CDS2: variants seen among roughly 807,000 people sequenced by gnomAD.
The protein encoded by CDS2 is phosphatidate cytidylyltransferase 2.
CDS2 carries 47 observed loss-of-function variants against 59.0 expected under a neutral mutation model. The observed-to-expected ratio is 0.80, with a 90% CI of 0.63 to 1.02. CDS2 has a LOEUF of 1.02. Among genes scored for constraint, CDS2 ranks in the 50% least tolerant of loss-of-function variants. The probability of loss-of-function intolerance (pLI) is 0.00; values close to 1 mark genes in which losing one functional copy is unlikely to be tolerated. For missense variants in CDS2, 356 were observed against 558.9 expected, an observed-to-expected ratio of 0.64 and a Z score of 3.66; for synonymous variants, 207 against 206.4, an observed-to-expected ratio of 1.00 and a Z score of -0.02.
chr20:5,145,174 C>T (rs1438246626), intron 1 of CDS2, among the ~76,000 whole-genome samples: 2 of 150,182 alleles, frequency 1.3e-5, no homozygotes, highest in Non-Finnish European at 3.0e-5. Flanking sequence ...GATCTCTGGG[C>T]GCGTAGATGG....
At chr20:5,151,839 GCCACAACCTCTGCCTCC>G (rs2090793548) in intron 1 of CDS2, among the ~76,000 whole-genome samples, 1 of 133,360 alleles carries the variant, frequency 7.5e-6, no homozygotes, top group Non-Finnish European at 1.5e-5. Flanking sequence ...ATCTTGGCTC[GCCACAACCTCTGCCTCC>G]CAGGTTCAAG....
chr20:5,159,135 A>T (rs1156923499), intron 1 of CDS2, among the ~76,000 whole-genome samples: 1 of 152,142 alleles, frequency 6.6e-6, no homozygotes, highest in African/African-American at 2.4e-5. Flanking sequence ...TTCATTTCAA[A>T]TTAATATCAG....
At chr20:5,142,650 G>T (rs1016338572) in intron 1 of CDS2, among the ~76,000 whole-genome samples, 6 of 152,160 alleles carry the variant, frequency 3.9e-5, no homozygotes, top group Non-Finnish European at 8.8e-5. Context: ...AACCATAAAA[G>T]AAACTGTTGG....
rs116159283 is a variant in CDS2, at chr20:5,144,306, G to A, written c.57+17157G>A. 2.9e-3 allele frequency among the ~76,000 whole-genome samples: 449 copies of A among 152,318 alleles called. 4 individuals are homozygous for A. Among genetic ancestry groups the A allele is most frequent in the African/African-American group, 0.01 (433 of 41,560 alleles). On this transcript the variant is annotated intron_variant, in intron 1 of 12. Coordinates refer to ENST00000460006, the MANE Select transcript of CDS2 (RefSeq NM_003818.4). ...GGGTTGAAGCAGCCATTGTCAGTGA[G>A]TGTAGAAAGTGATAACGTGGGTGAG...
intron 9 of CDS2, 119 bp from the exon 10 acceptor site, chr20:5,186,568 T>C (rs535253690): frequency 1.2e-6 from 1 of 848,782 alleles, no homozygotes; most frequent in African/African-American, 1.7e-5. Flanking sequence ...TCTGAGCACA[T>C]AGCTCGCAGT....
At chr20:5,133,044 GCCCGTAGT>G (rs1177281430) in intron 1 of CDS2, among the ~76,000 whole-genome samples, 1 of 151,092 alleles carries the variant, frequency 6.6e-6, no homozygotes, top group African/African-American at 2.4e-5. Flanking sequence ...GTGTGGTGGC[GCCCGTAGT>G]CCCAGCTACT....
At chr20:5,135,666 T>TG (rs1488785178) in intron 1 of CDS2, among the ~76,000 whole-genome samples, 1 of 152,140 alleles carries the variant, frequency 6.6e-6, no homozygotes, top group Admixed American at 6.5e-5. Flanking sequence ...CAGCTTCCTA[T>TG]GCCAGTCACT....
chr20:5,160,582 A>G (rs1188071725), intron 1 of CDS2, among the ~76,000 whole-genome samples: 1 of 152,240 alleles, frequency 6.6e-6, no homozygotes, highest in Non-Finnish European at 1.5e-5. Flanking sequence ...GATAATTTTA[A>G]CCATTTTCAA....
chr20:5,162,245 G>A (rs1191795135), intron 1 of CDS2, among the ~76,000 whole-genome samples: 1 of 152,208 alleles, frequency 6.6e-6, no homozygotes, highest in Non-Finnish European at 1.5e-5. Context: ...GAGTGCCAAT[G>A]TGATGCTCAA....
At chr20:5,148,749 G>C (rs966505947) in intron 1 of CDS2, among the ~76,000 whole-genome samples, 28 of 152,200 alleles carry the variant, frequency 1.8e-4, no homozygotes, top group African/African-American at 6.3e-4. Flanking sequence ...GTCCCCTCTT[G>C]TGATTTTGGG....
intron 1 of CDS2, among the ~76,000 whole-genome samples, chr20:5,155,621 G>A (rs1015023614): frequency 6.6e-6 from 1 of 152,102 alleles, no homozygotes; most frequent in African/African-American, 2.4e-5. Context: ...TGCCTCTCTC[G>A]TAGGGATATA....
In CDS2 at chr20:5,183,014, T is replaced by G. The variant is rs779973488; in HGVS notation, c.589-47T>G. 3 of 1,505,640 alleles carry G rather than the reference T, an allele frequency of 2.0e-6. No individual in the cohort carries two copies. The South Asian group carries it at 3.4e-5, about 17-fold the overall frequency. 93.3% of individuals were successfully genotyped at this position (1,505,640 alleles called of 1,614,324 possible). ...GGTATTGATTGTTCTTTGAAGTTACTTTCAAGGTAAACTGGTAAGTAGTGT... is the reference window on the plus strand; with the variant it reads ...GGTATTGATTGTTCTTTGAAGTTACGTTCAAGGTAAACTGGTAAGTAGTGT... On this transcript the variant is annotated intron_variant, in intron 6 of 12. Coordinates refer to ENST00000460006, the MANE Select transcript of CDS2 (RefSeq NM_003818.4).
intron 1 of CDS2, among the ~76,000 whole-genome samples, chr20:5,131,437 T>G (rs371076725): frequency 1.2e-4 from 18 of 152,236 alleles, no homozygotes; most frequent in African/African-American, 3.6e-4. Context: ...TGATGGAGCT[T>G]AGGAAAGCAA....
chr20:5,171,526 C>T (rs1052712456), intron 1 of CDS2, among the ~76,000 whole-genome samples: 1 of 152,160 alleles, frequency 6.6e-6, no homozygotes, highest in African/African-American at 2.4e-5. Context: ...GCAATGATTA[C>T]CGTAATATTA....
intron 1 of CDS2, among the ~76,000 whole-genome samples, chr20:5,136,766 T>C (rs2090653123): frequency 1.3e-5 from 2 of 152,268 alleles, no homozygotes; most frequent in South Asian, 4.1e-4. Flanking sequence ...TTAAGATCCT[T>C]TGTAGTCTTC....
intron 1 of CDS2, among the ~76,000 whole-genome samples, chr20:5,135,414 C>T (rs1057399526): frequency 2.6e-5 from 4 of 152,170 alleles, no homozygotes; most frequent in East Asian, 1.9e-4. Context: ...TCTGGACTGG[C>T]ACTAGAGGCT....
chr20:5,132,348 T>C (rs540930306), intron 1 of CDS2, among the ~76,000 whole-genome samples: 121 of 152,218 alleles, frequency 7.9e-4, no homozygotes, highest in Non-Finnish European at 1.4e-3. Context: ...TCCACCCGCC[T>C]TGGCCTCCTG....
At chr20:5,164,194 A>G (rs1427391252) in intron 1 of CDS2, among the ~76,000 whole-genome samples, 1 of 152,130 alleles carries the variant, frequency 6.6e-6, no homozygotes, top group Non-Finnish European at 1.5e-5. Context: ...GAATAGTTAC[A>G]GTCTATTTGA....
At chr20:5,158,762 T>C (rs1026272550) in intron 1 of CDS2, among the ~76,000 whole-genome samples, 17 of 152,326 alleles carry the variant, frequency 1.1e-4, no homozygotes, top group African/African-American at 4.1e-4. Flanking sequence ...AGTAGGAATT[T>C]AATACTGGGT....
Sources: gnomAD v4.1 joint callset for allele counts (sites outside exome capture counted in the v4.1 genomes callset) on GRCh38, gnomAD v4.1.1 for gene constraint, MANE v1.5 for transcripts, NCBI Gene and HGNC (gene_info 2026-07-23, HGNC 2026-07-21) for gene names.